RAB38: variants seen among roughly 807,000 people sequenced by gnomAD.
RAB38 encodes ras-related protein Rab-38.
In RAB38, 15 loss-of-function variants were observed where a neutral mutation model predicts 18.4. That is an observed-to-expected ratio of 0.82 (90% CI 0.55 to 1.26). The LOEUF (loss-of-function observed/expected upper bound fraction) is 1.26, where lower values mean the gene tolerates loss of function less well. RAB38 is among the 50% of genes most tolerant of loss of function. The pLI is 0.00. For missense variants in RAB38, 294 were observed against 267.4 expected (o/e 1.10, Z -0.69); for synonymous variants, 101 against 104.4 (o/e 0.97, Z 0.20).
At chr11:88,056,669 T>G in the RAB38 span, among the ~76,000 whole-genome samples, 1 of 151,276 alleles carries the variant, frequency 6.6e-6, no homozygotes, top group African/African-American at 2.4e-5. Flanking sequence ...ACGAGCGAGG[T>G]GGTGGGCGCC....
intron 2 of RAB38, among the ~76,000 whole-genome samples, chr11:88,128,027 A>G (rs1354816505): frequency 1.3e-5 from 2 of 152,232 alleles, no homozygotes; most frequent in Non-Finnish European, 2.9e-5. Flanking sequence ...AGGGAAAGAA[A>G]AATGAGCTGA....
the RAB38 span, among the ~76,000 whole-genome samples, chr11:87,935,625 C>T: frequency 1.3e-5 from 2 of 151,770 alleles, no homozygotes; most frequent in African/African-American, 2.4e-5. Context: ...TACTGTTTTC[C>T]CCAGTGGTAA....
the RAB38 span, among the ~76,000 whole-genome samples, chr11:88,096,607 G>T: frequency 6.6e-6 from 1 of 151,750 alleles, no homozygotes; most frequent in Non-Finnish European, 1.5e-5. Context: ...GTGCTAAGTT[G>T]TTGATAAATG....
At chr11:88,142,329 A>G (rs1271265620) in intron 2 of RAB38, among the ~76,000 whole-genome samples, 1 of 152,322 alleles carries the variant, frequency 6.6e-6, no homozygotes, top group South Asian at 2.1e-4. Context: ...TTATTGTAGG[A>G]ATTAGTGATA....
At chr11:87,967,985 T>C in the RAB38 span, among the ~76,000 whole-genome samples, 3 of 152,152 alleles carry the variant, frequency 2.0e-5, no homozygotes, top group African/African-American at 4.8e-5. Context: ...CTGAGGTTAT[T>C]TGCTGAAAGT....
the RAB38 span, among the ~76,000 whole-genome samples, chr11:88,074,100 G>A: frequency 6.6e-6 from 1 of 150,788 alleles, no homozygotes; most frequent in Non-Finnish European, 1.5e-5. Context: ...TTGAGCAAGA[G>A]ATATAAAGCT....
chr11:88,124,964 T>C (rs1942678378), intron 2 of RAB38, among the ~76,000 whole-genome samples: 1 of 152,220 alleles, frequency 6.6e-6, no homozygotes, highest in South Asian at 2.1e-4. Context: ...GTCTTGTTAG[T>C]CCAGGGCTCT....
At chr11:87,972,801 T>C in the RAB38 span, among the ~76,000 whole-genome samples, 1 of 152,064 alleles carries the variant, frequency 6.6e-6, no homozygotes. Flanking sequence ...GTAATATGGT[T>C]TGGACTTGTG....
At chr11:88,128,509 C>G (rs1286310766) in intron 2 of RAB38, among the ~76,000 whole-genome samples, 1 of 152,218 alleles carries the variant, frequency 6.6e-6, no homozygotes. Context: ...TGGAGGGTAG[C>G]TCCCAGGAGT....
chr11:87,942,639 G>A, the RAB38 span, among the ~76,000 whole-genome samples: 7 of 152,090 alleles, frequency 4.6e-5, no homozygotes, highest in African/African-American at 1.7e-4. Flanking sequence ...ATTCTCAATT[G>A]TATTATCATT....
At chr11:87,888,065 G>T in the RAB38 span, among the ~76,000 whole-genome samples, 2 of 151,700 alleles carry the variant, frequency 1.3e-5, no homozygotes, top group Non-Finnish European at 2.9e-5. Flanking sequence ...TTTAGTGGTG[G>T]TGCTTTCTTG....
the RAB38 span, among the ~76,000 whole-genome samples, chr11:87,919,857 T>TC: frequency 6.6e-6 from 1 of 152,044 alleles, no homozygotes; most frequent in Admixed American, 6.6e-5. Flanking sequence ...AGGAATTTAT[T>TC]CATTTCATTT....
At chr11:87,949,863 T>G in the RAB38 span, among the ~76,000 whole-genome samples, 1 of 152,196 alleles carries the variant, frequency 6.6e-6, no homozygotes, top group Non-Finnish European at 1.5e-5. Context: ...GAATGTATAT[T>G]CTGTTGATTT....
At chr11:87,909,533 TA>T in the RAB38 span, among the ~76,000 whole-genome samples, 1 of 152,102 alleles carries the variant, frequency 6.6e-6, no homozygotes, top group Non-Finnish European at 1.5e-5. Flanking sequence ...TGTATAATTT[TA>T]TATGTTTCCA....
the RAB38 span, among the ~76,000 whole-genome samples, chr11:88,021,094 A>G: frequency 6.6e-6 from 1 of 152,150 alleles, no homozygotes; most frequent in African/African-American, 2.4e-5. Flanking sequence ...AATAAATAAT[A>G]AAGATCAGAG....
At chr11:87,838,004 AAATACT>A in the RAB38 span, among the ~76,000 whole-genome samples, 2 of 152,192 alleles carry the variant, frequency 1.3e-5, no homozygotes, top group Non-Finnish European at 2.9e-5. Context: ...AGTTTTTAAT[AAATACT>A]TGGTTACTCT....
the RAB38 span, among the ~76,000 whole-genome samples, chr11:87,946,309 G>A: frequency 6.6e-6 from 1 of 152,036 alleles, no homozygotes; most frequent in East Asian, 1.9e-4. Context: ...GCTAGCTTTA[G>A]GTCTTCCTTG....
the RAB38 span, among the ~76,000 whole-genome samples, chr11:87,939,379 T>TACATAC: frequency 2.7e-4 from 40 of 146,410 alleles, no homozygotes; most frequent in African/African-American, 9.3e-4. Context: ...CACACATACA[T>TACATAC]ACACACACAC....
At chr11:88,022,872 T>C in the RAB38 span, among the ~76,000 whole-genome samples, 37 of 152,298 alleles carry the variant, frequency 2.4e-4, no homozygotes, top group East Asian at 6.2e-3. Flanking sequence ...TGTGTCTTTA[T>C]AATACAATGA....
Sources: gnomAD v4.1 joint callset for allele counts (sites outside exome capture counted in the v4.1 genomes callset) on GRCh38, gnomAD v4.1.1 for gene constraint, MANE v1.5 for transcripts, NCBI Gene and HGNC (gene_info 2026-07-23, HGNC 2026-07-21) for gene names.